Variants in CEMIP observed in about 807,000 individuals in gnomAD.
CEMIP encodes the protein cell migration-inducing and hyaluronan-binding protein.
Under a neutral mutation model 156.9 loss-of-function variants are expected in CEMIP, and 105 were observed. That is an observed-to-expected ratio of 0.67 (90% CI 0.57 to 0.79). CEMIP has a LOEUF of 0.79. CEMIP is among the 30% of genes least tolerant of loss of function. The pLI is 0.00. For missense variants in CEMIP, 1,457 were observed against 1,769.4 expected (o/e 0.82, Z 3.17); for synonymous variants, 676 against 668.4 (o/e 1.01, Z -0.17).
rs1413871732 is a variant in CEMIP, at chr15:80,951,686, T to C, written c.*2762T>C. ...GATTGGAGATGTCCTTTGCATTGCT[T>C]GGAAGGGGTGTACCTAGAGCCAAGG... On this transcript the variant is annotated 3_prime_UTR_variant, in exon 30 of 30. Transcript: ENST00000394685. The C allele has an allele frequency of 6.6e-6, 1 of 152,604 alleles. No homozygotes were observed. Among genetic ancestry groups the C allele is most frequent in the Non-Finnish European group, 1.5e-5 (1 of 68,154 alleles). The allele number at this position is 152,604 out of a possible 1,614,324, so 9.5% of individuals were successfully genotyped here. A position where few individuals can be genotyped will look rare whatever the true frequency, so the allele number is the denominator to read the frequency against.
chr15:80,901,775 G>A (rs907406639), intron 12 of CEMIP, among the ~76,000 whole-genome samples: 2 of 151,980 alleles, frequency 1.3e-5, no homozygotes, highest in African/African-American at 4.8e-5. Context: ...CCGGTGACTA[G>A]TGGCTACCAT....
intron 12 of CEMIP, chr15:80,901,027 T>A (rs74028106): frequency 4.4e-6 from 2 of 452,006 alleles, no homozygotes; most frequent in Non-Finnish European, 8.9e-6. Flanking sequence ...TAAAAAAAAA[T>A]TTCAAAATTT....
chr15:80,803,288 C>T (rs1403966150), intron 1 of CEMIP, among the ~76,000 whole-genome samples: 1 of 152,132 alleles, frequency 6.6e-6, no homozygotes, highest in African/African-American at 2.4e-5. Context: ...AGCATTTCTC[C>T]CTAGAACAAG....
rs1227106110 is a variant in CEMIP at position 80,815,086 on chromosome 15, G to A, written c.-176+35472G>A. 3.3e-5 allele frequency among the ~76,000 whole-genome samples: 5 copies of A among 152,268 alleles called. No individual in the cohort carries two copies. In the East Asian group the frequency reaches 9.7e-4, roughly 29 times the overall value. On this transcript the variant is annotated intron_variant, in intron 1 of 29. Coordinates refer to ENST00000394685, the MANE Select transcript of CEMIP (RefSeq NM_001293298.2). ...GATCACAGTAGCAATTCACTTCTTTGGAAAAACCGGTCCAAGTAAGGAAAA... is the reference window on the plus strand; with the variant it reads ...GATCACAGTAGCAATTCACTTCTTTAGAAAAACCGGTCCAAGTAAGGAAAA...
chr15:80,943,714 C>T (rs569491524), intron 28 of CEMIP, among the ~76,000 whole-genome samples: 1 of 152,270 alleles, frequency 6.6e-6, no homozygotes, highest in African/African-American at 2.4e-5. Context: ...GTACTGCTCG[C>T]CTGCTGGTTC....
chr15:80,861,624 A>G (rs1471657713), intron 1 of CEMIP, among the ~76,000 whole-genome samples: 1 of 152,234 alleles, frequency 6.6e-6, no homozygotes, highest in Non-Finnish European at 1.5e-5. Context: ...TGACCCTGGT[A>G]GGAGGTGATG....
intron 6 of CEMIP, among the ~76,000 whole-genome samples, chr15:80,883,141 A>C (rs560981844): frequency 6.6e-6 from 1 of 152,292 alleles, no homozygotes; most frequent in South Asian, 2.1e-4. Flanking sequence ...TCCCAGATTC[A>C]TTTTAGAACT....
intron 12 of CEMIP, chr15:80,900,819 C>T (rs1164506883): frequency 5.3e-6 from 2 of 373,924 alleles, no homozygotes; most frequent in Non-Finnish European, 1.1e-5. Flanking sequence ...CTGTGAGCCC[C>T]ACCCACCCAC....
intron 1 of CEMIP, among the ~76,000 whole-genome samples, chr15:80,784,233 C>T (rs1895869290): frequency 6.6e-6 from 1 of 152,340 alleles, no homozygotes; most frequent in Middle Eastern, 3.4e-3. Flanking sequence ...CTGTGAATTT[C>T]TTTCTCTCCT....
At chr15:80,905,665 A>C (rs148416711) in intron 12 of CEMIP, among the ~76,000 whole-genome samples, 1 of 152,332 alleles carries the variant, frequency 6.6e-6, no homozygotes, top group Admixed American at 6.5e-5. Flanking sequence ...GGGTAGCAGA[A>C]CTGGAAAAGG....
chr15:80,881,190 G>A lies in CEMIP; in HGVS notation c.617+54G>A. On this transcript the variant is annotated intron_variant, in intron 6 of 29. Coordinates refer to ENST00000394685, the MANE Select transcript of CEMIP (RefSeq NM_001293298.2). ...CTCATTCATTCAAAGTACACTTATT[G>A]AGTGTGCTCCCTGGCCAGGTGCCGC... 1.2e-5 allele frequency: 18 copies of A among 1,483,516 alleles called. No homozygotes were observed. The South Asian group carries it at 1.5e-4, about 12-fold the overall frequency. The allele number at this position is 1,483,516 out of a possible 1,614,324, so 91.9% of individuals were successfully genotyped here.
At chr15:80,831,699 T>G (rs557218169) in intron 1 of CEMIP, among the ~76,000 whole-genome samples, 2 of 152,272 alleles carry the variant, frequency 1.3e-5, no homozygotes, top group African/African-American at 4.8e-5. Flanking sequence ...CAACTGTATC[T>G]CCTTACAGAG....
intron 14 of CEMIP, among the ~76,000 whole-genome samples, chr15:80,910,690 G>C (rs1900017275): frequency 6.6e-6 from 1 of 152,164 alleles, no homozygotes; most frequent in African/African-American, 2.4e-5. Context: ...TGGGACCTTG[G>C]GCAAGTAGCT....
intron 12 of CEMIP, among the ~76,000 whole-genome samples, chr15:80,903,771 C>T (rs1899673140): frequency 6.6e-6 from 1 of 152,192 alleles, no homozygotes; most frequent in Admixed American, 6.5e-5. Flanking sequence ...TCAGGATCCA[C>T]TCAGAAGCCA....
intron 14 of CEMIP, among the ~76,000 whole-genome samples, chr15:80,914,574 C>G (rs1353144147): frequency 6.6e-6 from 1 of 152,162 alleles, no homozygotes; most frequent in Non-Finnish European, 1.5e-5. Context: ...GATGGCTGAG[C>G]CCCCTGTGTC....
intron 1 of CEMIP, among the ~76,000 whole-genome samples, chr15:80,809,435 A>G (rs1896603460): frequency 6.6e-6 from 1 of 152,262 alleles, no homozygotes; most frequent in South Asian, 2.1e-4. Context: ...TCAATCAACT[A>G]GAAGAAAATA....
chr15:80,783,641 A>G (rs1895853045), intron 1 of CEMIP, among the ~76,000 whole-genome samples: 1 of 152,142 alleles, frequency 6.6e-6, no homozygotes, highest in Non-Finnish European at 1.5e-5. Context: ...GCATGTAGAA[A>G]CTTTGCTAAT....
chr15:80,845,226 T>C (rs1175997176), intron 1 of CEMIP, among the ~76,000 whole-genome samples: 1 of 151,982 alleles, frequency 6.6e-6, no homozygotes, highest in African/African-American at 2.4e-5. Flanking sequence ...AGCCCAAGAG[T>C]TTGAGATCAT....
chr15:80,861,296 C>T (rs1032718448), intron 1 of CEMIP, among the ~76,000 whole-genome samples: 1 of 152,240 alleles, frequency 6.6e-6, no homozygotes, highest in East Asian at 1.9e-4. Flanking sequence ...AAGTACACAT[C>T]GACTCACTCC....
Sources: gnomAD v4.1 joint callset for allele counts (sites outside exome capture counted in the v4.1 genomes callset) on GRCh38, gnomAD v4.1.1 for gene constraint, MANE v1.5 for transcripts, NCBI Gene and HGNC (gene_info 2026-07-23, HGNC 2026-07-21) for gene names.